Variants in ITPR3 observed in about 807,000 individuals in gnomAD.
ITPR3 encodes the protein inositol 1,4,5-trisphosphate receptor type 3, also known as inositol 1,4,5-trisphosphate-gated calcium channel ITPR3.
A neutral mutation model predicts 293.2 loss-of-function variants in ITPR3; 173 were observed. That is an observed-to-expected ratio of 0.59 (90% CI 0.52 to 0.67). ITPR3 has a LOEUF of 0.67. Among genes scored for constraint, ITPR3 ranks in the 30% least tolerant of loss-of-function variants. The pLI, the probability that ITPR3 is intolerant of heterozygous loss-of-function variation, is 0.00. For missense variants in ITPR3, 2,796 were observed against 3,592.1 expected, an observed-to-expected ratio of 0.78 and a Z score of 5.66; for synonymous variants, 1,295 against 1,444.4, an observed-to-expected ratio of 0.90 and a Z score of 2.35.
Position 33,695,859 on chromosome 6 carries a change from G to T in ITPR3, c.*79G>T. 1 of 1,465,074 alleles carries T rather than the reference G, an allele frequency of 6.8e-7. No individual in the cohort carries two copies. Among genetic ancestry groups the T allele is most frequent in the Non-Finnish European group, 9.5e-7 (1 of 1,051,242 alleles). 90.8% of individuals were successfully genotyped at this position (1,465,074 alleles called of 1,614,324 possible). On this transcript the variant is annotated 3_prime_UTR_variant, in exon 58 of 58. Coordinates refer to ENST00000605930, the MANE Select transcript of ITPR3 (RefSeq NM_002224.4). ...GGGAAGAACACTGCCCCCTCCCTCG[G>T]GTTGGGTGGCCCAGCCAGCTGGCCA... is the stretch of plus-strand genomic sequence containing the variant.
chr6:33,622,464 G>A (rs369820089), intron 1 of ITPR3, among the ~76,000 whole-genome samples: 2 of 152,200 alleles, frequency 1.3e-5, no homozygotes, highest in East Asian at 3.9e-4. Context: ...AGGTAGAGAG[G>A]ATGGGTTTAT....
In ITPR3 at chr6:33,667,409, C is replaced by G; in HGVS notation, c.1713+119C>G. ...TTGGGGCCTAGGGTCCAGTAGGGCA[C>G]CAGACAGCAGGGCCGGGTTCATGGG... On this transcript the variant is annotated intron_variant, in intron 15 of 57. Coordinates refer to ENST00000605930, the MANE Select transcript of ITPR3 (RefSeq NM_002224.4). This position sits in a 1 kb window ranked among gnomAD's most constrained non-coding sequence, Gnocchi z 4.4. 7.5e-7 allele frequency: 1 copy of G among 1,327,348 alleles called. No homozygotes were observed. Among genetic ancestry groups the G allele is most frequent in the Non-Finnish European group, 1.0e-6 (1 of 986,404 alleles). 82.2% of individuals were successfully genotyped at this position (1,327,348 alleles called of 1,614,324 possible).
Position 33,685,757 on chromosome 6 carries a change from C to T in ITPR3, c.5597C>T (p.Ser1866Phe). Reference protein sequence around the residue: ...ERVQSSEMGTSVLIMQPILRF... With the variant: ...ERVQSSEMGTFVLIMQPILRF... The stretch of plus-strand genomic sequence containing the variant: ...GTGCAGAGCAGTGAGATGGGCACAT[C>T]CGTGCTCATCATGCAGCCCATCCTG... The change falls in exon 41 of 58, where the codon TCC (serine) becomes TTC (phenylalanine). Residue 1866 changes from serine (S) to phenylalanine (F), a missense_variant. Coordinates refer to ENST00000605930, the MANE Select transcript of ITPR3 (RefSeq NM_002224.4). 1 of 1,604,832 alleles carries T rather than the reference C, an allele frequency of 6.2e-7. No homozygotes were observed. The highest frequency in any genetic ancestry group is 8.5e-7 in the Non-Finnish European group (1 of 1,173,730).
chr6:33,689,262 C>G lies in ITPR3; in HGVS notation c.6719C>G (p.Ser2240Ter), dbSNP rs774571742. ...GGCGTGCTGGACTCCCCTCTCATCT[C>G]ATTGCTCTTCTGGATCCTCATCTGC... Reference protein sequence around the residue: ...STGVLDSPLISLLFWILICFS... With the variant: ...STGVLDSPLI Residue 2240 changes from serine (S) to a stop codon, truncating the protein, a stop_gained, in exon 50 of 58, where the codon TCA (serine) becomes TGA (stop). Coordinates refer to ENST00000605930, the MANE Select transcript of ITPR3 (RefSeq NM_002224.4). LOFTEE classifies it high-confidence loss of function. The G allele has an allele frequency of 6.2e-7, 1 of 1,611,152 alleles. No individual in the cohort carries two copies. Among genetic ancestry groups the G allele is most frequent in the Non-Finnish European group, 8.5e-7 (1 of 1,179,992 alleles).
chr6:33,647,440 A>G (rs1764094117), intron 2 of ITPR3, among the ~76,000 whole-genome samples: 1 of 152,172 alleles, frequency 6.6e-6, no homozygotes, highest in Admixed American at 6.5e-5. Flanking sequence ...CTGTGCAACT[A>G]TTACCACCAT....
rs1763723722 is a variant in ITPR3 at position 33,633,174 on chromosome 6, A to G, written c.90-7310A>G. On this transcript the variant is annotated intron_variant, in intron 1 of 57. Transcript: ENST00000605930. This position sits in a 1 kb window ranked among gnomAD's most constrained non-coding sequence, Gnocchi z 5.2. ...GGGCGTAGCGGGGCGTGGGCAGGGAACCACACGGGAGCCTCAGCTTGGCCT... is the reference window on the plus strand; with the variant it reads ...GGGCGTAGCGGGGCGTGGGCAGGGAGCCACACGGGAGCCTCAGCTTGGCCT... Among the ~76,000 whole-genome samples, 1 of 151,996 alleles carries G rather than the reference A, an allele frequency of 6.6e-6. No individual in the cohort carries two copies. The highest frequency in any genetic ancestry group is 2.4e-5 in the African/African-American group (1 of 41,368).
In ITPR3 at chr6:33,644,894, C is replaced by A. The variant is rs556320616; in HGVS notation, c.160+4340C>A. 2.0e-5 allele frequency among the ~76,000 whole-genome samples: 3 copies of A among 151,568 alleles called. No homozygotes were observed. The South Asian group carries it at 6.3e-4, about 32-fold the overall frequency. On this transcript the variant is annotated intron_variant, in intron 2 of 57. Coordinates refer to ENST00000605930, the MANE Select transcript of ITPR3 (RefSeq NM_002224.4). ...GGCCAGGCTGGTCTTAAACTCCTGA[C>A]CTCAGGTGATCCACCTGCCTTGGCC... is the stretch of plus-strand genomic sequence containing the variant.
At position 33,666,090 on chromosome 6, in the gene ITPR3, C is replaced by T. The variant is rs781221820; in HGVS notation, c.1551+114C>T. 1.6e-6 allele frequency: 2 copies of T among 1,252,018 alleles called. No homozygotes were observed. The highest frequency in any genetic ancestry group is 1.5e-5 in the South Asian group (1 of 65,680). 77.6% of individuals were successfully genotyped at this position (1,252,018 alleles called of 1,614,324 possible). On this transcript the variant is annotated intron_variant, in intron 14 of 57. Coordinates refer to ENST00000605930, the MANE Select transcript of ITPR3 (RefSeq NM_002224.4). This position sits in a 1 kb window ranked among gnomAD's most constrained non-coding sequence, Gnocchi z 5.1. ...AAAATCAGTATATATGGGGCACGACCACGTGCCAGGGACTTCCCTAAGTAC... is the reference window on the plus strand; with the variant it reads ...AAAATCAGTATATATGGGGCACGACTACGTGCCAGGGACTTCCCTAAGTAC...
intron 8 of ITPR3, 85 bp downstream of exon 8, chr6:33,662,759 A>G: frequency 6.5e-7 from 1 of 1,548,162 alleles, no homozygotes; most frequent in Non-Finnish European, 8.7e-7. Flanking sequence ...AGGGTGGGAT[A>G]TTGACCCCTA....
Position 33,653,436 on chromosome 6 carries a change from T to C in ITPR3, c.161-2330T>C, listed in dbSNP as rs551293512. 7.9e-5 allele frequency among the ~76,000 whole-genome samples: 12 copies of C among 152,242 alleles called. 1 individual carries two copies. The highest frequency in any genetic ancestry group is 2.9e-4 in the African/African-American group (12 of 41,550). ...AGCCCACTTACCTTTAAATCATGAA[T>C]GTGGCAGCCACACATGCACCCATTT... is the stretch of plus-strand genomic sequence containing the variant. On this transcript the variant is annotated intron_variant, in intron 2 of 57. Transcript: ENST00000605930.
intron 3 of ITPR3, 108 bp from the exon 4 acceptor site, chr6:33,657,819 GTGTGT>G (rs1764347737): frequency 2.7e-6 from 2 of 733,576 alleles, no homozygotes; most frequent in Admixed American, 2.2e-5. Context: ...GGGTGACTGT[GTGTGT>G]GTGTGTGTGT....
chr6:33,657,672 G>A (rs1180495655), intron 3 of ITPR3, among the ~76,000 whole-genome samples: 1 of 151,994 alleles, frequency 6.6e-6, no homozygotes, highest in Non-Finnish European at 1.5e-5. Context: ...CAGGGGAGGT[G>A]GCTGGGGAGG....
At position 33,622,230 on chromosome 6, in the gene ITPR3, C is replaced by G. The variant is rs1763454805; in HGVS notation, c.89+539C>G. Among the ~76,000 whole-genome samples the G allele has an allele frequency of 3.9e-5, 6 of 152,236 alleles. No homozygotes were observed. The South Asian group carries it at 1.2e-3, about 32-fold the overall frequency. On this transcript the variant is annotated intron_variant, in intron 1 of 57. Coordinates refer to ENST00000605930, the MANE Select transcript of ITPR3 (RefSeq NM_002224.4). ...TTCTCAGCCCTCCCCTTCCAGGCTT[C>G]AAGGTCCTGGCCAGCTGCCCCTTCT...
intron 9 of ITPR3, 95 bp from the exon 10 acceptor site, chr6:33,663,404 AC>A: frequency 7.7e-7 from 1 of 1,301,130 alleles, no homozygotes; most frequent in Non-Finnish European, 1.1e-6. Context: ...GCCTGCCCAA[AC>A]CCAGGGCCCT....
At position 33,621,773 on chromosome 6, in the gene ITPR3, C is replaced by A; in HGVS notation, c.89+82C>A. ...GTGCCAGCTGCGTGCGTCCAGCCGC[C>A]GCCCCCCGATAGAGGCCTGGACGTC... On this transcript the variant is annotated intron_variant, in intron 1 of 57. Transcript: ENST00000605930. This position sits in a 1 kb window ranked among gnomAD's most constrained non-coding sequence, Gnocchi z 7.7. The A allele has an allele frequency of 9.4e-7, 1 of 1,063,190 alleles. No individual in the cohort carries two copies. The highest frequency in any genetic ancestry group is 2.6e-5 in the East Asian group (1 of 37,822). 65.9% of individuals were successfully genotyped at this position (1,063,190 alleles called of 1,614,324 possible).
Position 33,624,217 on chromosome 6 carries a change from C to T in ITPR3, c.89+2526C>T, listed in dbSNP as rs1763504156. Among the ~76,000 whole-genome samples the T allele has an allele frequency of 6.6e-6, 1 of 152,242 alleles. No individual in the cohort carries two copies. Among genetic ancestry groups the T allele is most frequent in the Non-Finnish European group, 1.5e-5 (1 of 68,042 alleles). The stretch of plus-strand genomic sequence containing the variant: ...ACAAACCACTCTCTGGTGTTCCTCA[C>T]ATTGGAGGCTTCCCTGTAGGCCCAT... On this transcript the variant is annotated intron_variant, in intron 1 of 57. Transcript: ENST00000605930. The surrounding 1 kb of genome is among the most constrained non-coding windows in gnomAD (Gnocchi z 4.7).
At chr6:33,645,224 C>T (rs922013853) in intron 2 of ITPR3, among the ~76,000 whole-genome samples, 2 of 152,010 alleles carry the variant, frequency 1.3e-5, no homozygotes, top group Admixed American at 6.5e-5. Context: ...CTCCCAGCTA[C>T]TCAGGAGGCT....
At chr6:33,676,721 T>G in intron 25 of ITPR3, 47 bp from the exon 26 acceptor site, 4 of 1,606,654 alleles carry the variant, frequency 2.5e-6, no homozygotes, top group Non-Finnish European at 2.6e-6. Context: ...CTAAGTGGCA[T>G]GGACCTGGAG....
chr6:33,694,691 T>A lies in ITPR3; in HGVS notation c.7786-233T>A. The A allele has an allele frequency of 1.3e-5, 7 of 539,620 alleles. 1 individual carries two copies. Among genetic ancestry groups the A allele is most frequent in the South Asian group, 1.1e-4 (5 of 43,584 alleles). 33.4% of individuals were successfully genotyped at this position (539,620 alleles called of 1,614,324 possible). A position where few individuals can be genotyped will look rare whatever the true frequency, so the allele number is the denominator to read the frequency against. On this transcript the variant is annotated intron_variant, in intron 56 of 57. Transcript: ENST00000605930. ...AGGACTCAAACTCAGCTGCCGACGC[T>A]GCCTAACGGAAGTCAGCCTGTCTCG...
Sources: gnomAD v4.1 joint callset for allele counts (sites outside exome capture counted in the v4.1 genomes callset) on GRCh38, gnomAD v4.1.1 for gene constraint, Gnocchi (gnomAD v3.1) non-coding constraint, MANE v1.5 for transcripts, NCBI Gene and HGNC (gene_info 2026-07-23, HGNC 2026-07-21) for gene names.